TAFA1: variants seen among roughly 807,000 people sequenced by gnomAD.
TAFA1 encodes the protein TAFA chemokine like family member 1, also known as chemokine-like protein TAFA-1.
TAFA1 carries 4 observed loss-of-function variants against 18.5 expected under a neutral mutation model. That is an observed-to-expected ratio of 0.22 (90% confidence interval 0.11 to 0.49). The LOEUF (loss-of-function observed/expected upper bound fraction) is 0.49, where lower values mean the gene tolerates loss of function less well. TAFA1 is among the 20% of genes least tolerant of loss of function. The pLI, the probability that TAFA1 is intolerant of heterozygous loss-of-function variation, is 0.98. For synonymous variants in TAFA1, 56 were observed against 55.2 expected, an observed-to-expected ratio of 1.01 and a Z score of -0.06; for missense variants, 147 against 169.0, an observed-to-expected ratio of 0.87 and a Z score of 0.72.
intron 2 of TAFA1, among the ~76,000 whole-genome samples, chr3:68,159,343 C>T (rs139046979): frequency 6.6e-5 from 10 of 152,070 alleles, no homozygotes; most frequent in Non-Finnish European, 1.2e-4. Flanking sequence ...ATTAAAATTC[C>T]GCAAATTGTG....
intron 3 of TAFA1, among the ~76,000 whole-genome samples, chr3:68,510,971 G>A (rs565717108): frequency 1.4e-3 from 212 of 152,172 alleles, no homozygotes; most frequent in Non-Finnish European, 2.4e-3. Flanking sequence ...GATTTTACAC[G>A]TTTTGATTTC....
chr3:67,991,931 T>G, the TAFA1 span, among the ~76,000 whole-genome samples: 1 of 152,356 alleles, frequency 6.6e-6, no homozygotes, highest in East Asian at 1.9e-4. Flanking sequence ...TCTGTTTCTC[T>G]GGAGAACCCT....
intron 2 of TAFA1, among the ~76,000 whole-genome samples, chr3:68,336,902 T>G (rs1245928512): frequency 6.6e-6 from 1 of 152,140 alleles, no homozygotes; most frequent in East Asian, 1.9e-4. Flanking sequence ...TTTCTTATTT[T>G]TAGAAGAGAT....
intron 2 of TAFA1, among the ~76,000 whole-genome samples, chr3:68,018,477 T>A (rs762133134): frequency 5.9e-5 from 9 of 152,180 alleles, no homozygotes; most frequent in Non-Finnish European, 1.2e-4. Context: ...AACTTAATAT[T>A]TATATCCAAC....
chr3:68,282,430 AT>A, intron 2 of TAFA1, among the ~76,000 whole-genome samples: 1 of 150,452 alleles, frequency 6.6e-6, no homozygotes, highest in African/African-American at 2.5e-5. Flanking sequence ...TAAAAAAAAA[AT>A]CTCTAAGTAA....
chr3:68,260,802 A>G (rs2067403148), intron 2 of TAFA1, among the ~76,000 whole-genome samples: 1 of 152,206 alleles, frequency 6.6e-6, no homozygotes, highest in Admixed American at 6.5e-5. Flanking sequence ...TGTTAGACCT[A>G]AAACCATAAA....
chr3:68,170,096 A>T (rs1056512907), intron 2 of TAFA1, among the ~76,000 whole-genome samples: 1 of 152,234 alleles, frequency 6.6e-6, no homozygotes, highest in Admixed American at 6.5e-5. Flanking sequence ...CAGAAAAAAC[A>T]TAAGTATCAG....
chr3:68,493,876 T>C (rs1440279747), intron 3 of TAFA1, among the ~76,000 whole-genome samples: 1 of 152,188 alleles, frequency 6.6e-6, no homozygotes, highest in Non-Finnish European at 1.5e-5. Flanking sequence ...ATCTGGAATT[T>C]GTATTGACCC....
chr3:68,463,383 A>G (rs1035094251), intron 3 of TAFA1, among the ~76,000 whole-genome samples: 1 of 152,194 alleles, frequency 6.6e-6, no homozygotes, highest in Non-Finnish European at 1.5e-5. Context: ...ACAACTTGCA[A>G]CTAAGATGCT....
intron 2 of TAFA1, among the ~76,000 whole-genome samples, chr3:68,300,862 G>T (rs1362395995): frequency 6.6e-6 from 1 of 152,086 alleles, no homozygotes. Flanking sequence ...AAGGTGCCTT[G>T]CTTCCCCTTC....
rs991710311 is a variant in TAFA1 at position 68,088,569 on chromosome 3, G to A, written c.118+81825G>A. 7.8e-4 allele frequency among the ~76,000 whole-genome samples: 118 copies of A among 152,134 alleles called. 1 individual carries two copies. Among genetic ancestry groups the A allele is most frequent in the Admixed American group, 2.6e-3 (39 of 15,280 alleles). On this transcript the variant is annotated intron_variant, in intron 2 of 4. Transcript: ENST00000478136. Reference sequence around the variant, plus strand: ...TAATTTCTTAGTTTCTGTCAGTCTAGCAATTTTGAACCTGTGCGTTTTTCA... The same window carrying A: ...TAATTTCTTAGTTTCTGTCAGTCTAACAATTTTGAACCTGTGCGTTTTTCA...
intron 3 of TAFA1, among the ~76,000 whole-genome samples, chr3:68,515,002 A>G (rs2072900677): frequency 6.6e-6 from 1 of 152,166 alleles, no homozygotes; most frequent in South Asian, 2.1e-4. Flanking sequence ...CAAACTACTC[A>G]TGGACAGAGG....
At chr3:68,191,265 A>G (rs1327462318) in intron 2 of TAFA1, among the ~76,000 whole-genome samples, 1 of 151,788 alleles carries the variant, frequency 6.6e-6, no homozygotes, top group African/African-American at 2.4e-5. Flanking sequence ...GGAATCCTCA[A>G]CAACAAGGCA....
chr3:68,073,072 C>T (rs2064777181), intron 2 of TAFA1, among the ~76,000 whole-genome samples: 1 of 152,202 alleles, frequency 6.6e-6, no homozygotes, highest in East Asian at 1.9e-4. Context: ...CATTTAAATT[C>T]CAGGCTTCCA....
At chr3:68,265,447 T>C (rs1272901838) in intron 2 of TAFA1, among the ~76,000 whole-genome samples, 2 of 152,228 alleles carry the variant, frequency 1.3e-5, no homozygotes, top group African/African-American at 2.4e-5. Flanking sequence ...CACAGCATCC[T>C]ACCAAGACCA....
At chr3:68,297,792 A>T (rs1385198921) in intron 2 of TAFA1, among the ~76,000 whole-genome samples, 1 of 151,700 alleles carries the variant, frequency 6.6e-6, no homozygotes, top group Non-Finnish European at 1.5e-5. Context: ...CTATATGTTC[A>T]TATTCCTTCT....
At chr3:68,015,908 A>T (rs1317722736) in intron 2 of TAFA1, among the ~76,000 whole-genome samples, 2 of 152,214 alleles carry the variant, frequency 1.3e-5, no homozygotes, top group African/African-American at 4.8e-5. Flanking sequence ...TTAATTCAGT[A>T]TTCTTTAACT....
At chr3:68,513,599 G>A (rs975876882) in intron 3 of TAFA1, among the ~76,000 whole-genome samples, 4 of 152,058 alleles carry the variant, frequency 2.6e-5, no homozygotes, top group African/African-American at 7.2e-5. Context: ...AAAGCCTGAT[G>A]CATTCAAATA....
intron 2 of TAFA1, among the ~76,000 whole-genome samples, chr3:68,250,097 T>C (rs2067163705): frequency 6.6e-6 from 1 of 152,032 alleles, no homozygotes; most frequent in South Asian, 2.1e-4. Flanking sequence ...TTCCAGGGAG[T>C]AACTATACGC....
Sources: gnomAD v4.1 joint callset for allele counts (sites outside exome capture counted in the v4.1 genomes callset) on GRCh38, gnomAD v4.1.1 for gene constraint, MANE v1.5 for transcripts, NCBI Gene and HGNC (gene_info 2026-07-23, HGNC 2026-07-21) for gene names.